Variants in HTR2C observed in about 807,000 individuals in gnomAD.
The protein encoded by HTR2C is 5-hydroxytryptamine (serotonin) receptor 2C, G protein-coupled.
HTR2C carries 5 observed loss-of-function variants against 21.0 expected under a neutral mutation model. The observed-to-expected ratio is 0.24, with a 90% CI of 0.12 to 0.50. The LOEUF is 0.50. Among genes scored for constraint, HTR2C ranks in the 20% least tolerant of loss-of-function variants. The probability of loss-of-function intolerance (pLI) is 0.98; values close to 1 mark genes in which losing one functional copy is unlikely to be tolerated. For missense variants in HTR2C, 271 were observed against 371.2 expected (o/e 0.73, Z 2.22); for synonymous variants, 150 against 145.3 (o/e 1.03, Z -0.23).
chrX:114,742,729 T>A (rs1229800496), intron 4 of HTR2C, among the ~76,000 whole-genome samples: 2 of 85,284 alleles, frequency 2.3e-5, no homozygotes, highest in African/African-American at 8.8e-5. Flanking sequence ...TTTTTTTAAT[T>A]TTTTTTTTTT....
intron 4 of HTR2C, among the ~76,000 whole-genome samples, chrX:114,833,690 C>G (rs2070752165): frequency 9.0e-6 from 1 of 110,564 alleles, no homozygotes; most frequent in Non-Finnish European, 1.9e-5. Flanking sequence ...TTTTTTGTGT[C>G]TCTATTTCCT....
chrX:114,747,673 G>T (rs2069719244), intron 4 of HTR2C, among the ~76,000 whole-genome samples: 1 of 112,299 alleles, frequency 8.9e-6, no homozygotes, highest in Admixed American at 9.4e-5. Context: ...TCTCTTGCTG[G>T]CATTCTCTCT....
At chrX:114,883,735 C>A (rs1226254971) in intron 5 of HTR2C, among the ~76,000 whole-genome samples, 1 of 110,129 alleles carries the variant, frequency 9.1e-6, no homozygotes, top group Non-Finnish European at 1.9e-5. Flanking sequence ...ATTACTAAAT[C>A]GAGCTAATGG....
At chrX:114,743,398 G>A (rs935728376) in intron 4 of HTR2C, among the ~76,000 whole-genome samples, 2 of 111,346 alleles carry the variant, frequency 1.8e-5, no homozygotes, top group African/African-American at 6.5e-5. Context: ...AGAAATTAAT[G>A]GAAATATGGA....
chrX:114,704,542 C>T (rs1556417590), intron 2 of HTR2C, among the ~76,000 whole-genome samples: 1 of 111,625 alleles, frequency 9.0e-6, no homozygotes, highest in African/African-American at 3.3e-5. Flanking sequence ...TAAATTAGTA[C>T]TGATGGGATG....
chrX:114,647,300 T>A (rs1172666424), intron 2 of HTR2C, among the ~76,000 whole-genome samples: 1 of 112,081 alleles, frequency 8.9e-6, no homozygotes, highest in African/African-American at 3.2e-5. Context: ...CCTGATATGA[T>A]CATTCCACAA....
intron 4 of HTR2C, among the ~76,000 whole-genome samples, chrX:114,816,337 A>G (rs2070585771): frequency 9.1e-6 from 1 of 109,962 alleles, no homozygotes; most frequent in African/African-American, 3.3e-5. Context: ...GGCATTTAAT[A>G]TTGCCAAATC....
At chrX:114,864,462 T>A (rs1266848230) in intron 5 of HTR2C, among the ~76,000 whole-genome samples, 2 of 111,922 alleles carry the variant, frequency 1.8e-5, no homozygotes, top group Non-Finnish European at 3.8e-5. Flanking sequence ...ACAACTTTTG[T>A]CTTGTTATAT....
At chrX:114,675,994 CA>C (rs781786889) in intron 2 of HTR2C, among the ~76,000 whole-genome samples, 3 of 108,611 alleles carry the variant, frequency 2.8e-5, no homozygotes, top group Non-Finnish European at 5.7e-5. Context: ...CTCGGCCCCC[CA>C]AGTAGTTGGG....
chrX:114,727,425 A>C (rs1221941554), intron 3 of HTR2C, among the ~76,000 whole-genome samples: 1 of 111,775 alleles, frequency 8.9e-6, no homozygotes, highest in Non-Finnish European at 1.9e-5. Flanking sequence ...GGGAAAAACC[A>C]ATGTCATCCT....
Position 114,726,664 on chromosome X carries a change from C to T in HTR2C, c.-79-194C>T, listed in dbSNP as rs145185737. Among the ~76,000 whole-genome samples the T allele has an allele frequency of 4.0e-4, 45 of 112,160 alleles. No individual in the cohort carries two copies. The East Asian group carries it at 4.8e-3, about 12-fold the overall frequency. On this transcript the variant is annotated intron_variant, in intron 2 of 5. Coordinates refer to ENST00000276198, the MANE Select transcript of HTR2C (RefSeq NM_000868.4). ...ATATACAGAAAATTTTTAAAAACTG[C>T]GATGATAAATAATTGAAAAATCTGC...
intron 2 of HTR2C, among the ~76,000 whole-genome samples, chrX:114,716,040 G>A (rs1177843231): frequency 8.9e-6 from 1 of 112,637 alleles, no homozygotes; most frequent in Non-Finnish European, 1.9e-5. Flanking sequence ...CTCCAACACA[G>A]ATATTTAGCA....
chrX:114,648,041 G>A (rs73222944), intron 2 of HTR2C, among the ~76,000 whole-genome samples: 5,970 of 111,924 alleles, frequency 0.053, 169 homozygotes, highest in Non-Finnish European at 0.076. Context: ...ATAAAGAAAC[G>A]AAGACCCAAA....
intron 4 of HTR2C, among the ~76,000 whole-genome samples, chrX:114,789,857 C>A (rs782298178): frequency 1.8e-5 from 2 of 111,527 alleles, no homozygotes; most frequent in South Asian, 7.5e-4. Context: ...GAGGACAAAG[C>A]ACCTGTAACA....
intron 5 of HTR2C, among the ~76,000 whole-genome samples, chrX:114,855,059 C>T (rs1480223454): frequency 9.0e-6 from 1 of 111,695 alleles, no homozygotes; most frequent in Non-Finnish European, 1.9e-5. Flanking sequence ...GCTAGATTCT[C>T]ATCTCTGTTT....
rs868918201 is a variant in HTR2C, at chrX:114,807,170, A to G, written c.350-40833A>G. ...TATATACACCATATATATACCCCATATATACACCATGTATATATACACCAT... is the reference window on the plus strand; with the variant it reads ...TATATACACCATATATATACCCCATGTATACACCATGTATATATACACCAT... On this transcript the variant is annotated intron_variant, in intron 4 of 5. Transcript: ENST00000276198. 4.5e-5 allele frequency among the ~76,000 whole-genome samples: 2 copies of G among 44,500 alleles called. 1 individual carries two copies. The highest frequency in any genetic ancestry group is 7.9e-5 in the Non-Finnish European group (2 of 25,300). 38.6% of individuals were successfully genotyped at this position (44,500 alleles called of 115,157 possible).
At chrX:114,816,723 A>T (rs1403550607) in intron 4 of HTR2C, among the ~76,000 whole-genome samples, 1 of 110,899 alleles carries the variant, frequency 9.0e-6, no homozygotes, top group Non-Finnish European at 1.9e-5. Flanking sequence ...GATTAAGCAT[A>T]AAAAAATTAC....
At chrX:114,685,193 A>G (rs925239930) in intron 2 of HTR2C, among the ~76,000 whole-genome samples, 14 of 111,678 alleles carry the variant, frequency 1.3e-4, no homozygotes, top group Non-Finnish European at 2.6e-4. Context: ...TTCCACTATA[A>G]TGTATTAGTG....
chrX:114,769,373 T>C (rs1351215100), intron 4 of HTR2C, among the ~76,000 whole-genome samples: 2 of 111,647 alleles, frequency 1.8e-5, no homozygotes, highest in Non-Finnish European at 3.8e-5. Context: ...TTTTTCACTA[T>C]GTTTTTATTT....
Sources: allele counts gnomAD v4.1 joint callset (sites outside exome capture counted in the v4.1 genomes callset), GRCh38; gene constraint gnomAD v4.1.1; transcripts MANE v1.5; gene names NCBI Gene and HGNC (gene_info 2026-07-23, HGNC 2026-07-21).